The following SOX5 variants were observed in gnomAD, a reference collection of about 807,000 sequenced individuals.
The protein encoded by SOX5 is transcription factor SOX-5.
A neutral mutation model predicts 92.0 loss-of-function variants in SOX5; 9 were observed. The ratio of observed to expected loss-of-function variants is 0.10; its 90% CI spans 0.06 to 0.17. The LOEUF (loss-of-function observed/expected upper bound fraction) is 0.17, where lower values mean the gene tolerates loss of function less well. Ranked by LOEUF, SOX5 falls within the 10% of genes least tolerant of loss-of-function variation. The pLI is 1.00. For missense variants in SOX5, 642 were observed against 944.5 expected (o/e 0.68, Z 4.20); for synonymous variants, 344 against 336.3 (o/e 1.02, Z -0.25).
At chr12:23,805,342 A>C (rs1029773451) in intron 3 of SOX5, among the ~76,000 whole-genome samples, 1 of 152,052 alleles carries the variant, frequency 6.6e-6, no homozygotes, top group Admixed American at 6.6e-5. Context: ...ATATATATGA[A>C]TAATAAATAA....
chr12:23,548,556 G>T (rs185096257), intron 11 of SOX5, among the ~76,000 whole-genome samples: 56 of 152,152 alleles, frequency 3.7e-4, no homozygotes, highest in Middle Eastern at 3.4e-3. Context: ...AAAAGGAAAG[G>T]TGATTGCAGG....
At chr12:23,747,003 T>G (rs1204343242) in intron 4 of SOX5, among the ~76,000 whole-genome samples, 2 of 152,112 alleles carry the variant, frequency 1.3e-5, no homozygotes, top group Non-Finnish European at 2.9e-5. Context: ...CCTCCATGAC[T>G]GTGAGGCCTC....
chr12:23,981,407 T>C (rs1949554705), intron 4 of SOX5, among the ~76,000 whole-genome samples: 1 of 152,232 alleles, frequency 6.6e-6, no homozygotes, highest in African/African-American at 2.4e-5. Flanking sequence ...GTGGTGGTGA[T>C]GTGGTAATTA....
At chr12:23,943,718 A>C (rs1467330897) in intron 1 of SOX5, among the ~76,000 whole-genome samples, 1 of 152,134 alleles carries the variant, frequency 6.6e-6, no homozygotes, top group Non-Finnish European at 1.5e-5. Context: ...GAGGTTTCAA[A>C]TACAATGAGC....
intron 6 of SOX5, among the ~76,000 whole-genome samples, chr12:23,721,810 C>T (rs2092832104): frequency 6.6e-6 from 1 of 152,198 alleles, no homozygotes; most frequent in Non-Finnish European, 1.5e-5. Context: ...GAAGTTTAGC[C>T]TACGTGCACA....
chr12:23,922,035 A>G (rs1345783534), intron 1 of SOX5, among the ~76,000 whole-genome samples: 1 of 152,222 alleles, frequency 6.6e-6, no homozygotes, highest in Non-Finnish European at 1.5e-5. Context: ...CTGCAGGGCT[A>G]AAAGACGGAC....
chr12:23,715,924 T>C (rs1339818640), intron 6 of SOX5, among the ~76,000 whole-genome samples: 1 of 151,168 alleles, frequency 6.6e-6, no homozygotes, highest in South Asian at 2.1e-4. Context: ...TCATTAGTAA[T>C]AAATCTTATT....
intron 6 of SOX5, 44 bp downstream of exon 6, chr12:23,734,640 T>A (rs765071453): frequency 7.2e-7 from 1 of 1,380,750 alleles, no homozygotes; most frequent in Non-Finnish European, 1.0e-6. Flanking sequence ...AAACAGAATA[T>A]ATATTTTTTA....
At chr12:24,417,214 A>T (rs2136881043) in intron 1 of SOX5, among the ~76,000 whole-genome samples, 1 of 152,364 alleles carries the variant, frequency 6.6e-6, no homozygotes, top group South Asian at 2.1e-4. Context: ...TGATGCCTAG[A>T]GACATCCTGT....
intron 2 of SOX5, among the ~76,000 whole-genome samples, chr12:24,294,308 C>A (rs564619365): frequency 1.3e-5 from 2 of 151,606 alleles, no homozygotes; most frequent in Non-Finnish European, 2.9e-5. Context: ...ACACTCAGAA[C>A]AGCATCCCAA....
chr12:24,044,750 G>C (rs1248915279), intron 4 of SOX5, among the ~76,000 whole-genome samples: 1 of 152,116 alleles, frequency 6.6e-6, no homozygotes, highest in Non-Finnish European at 1.5e-5. Context: ...TCCCTGATTG[G>C]CCTTGTCAGC....
At chr12:23,683,620 T>C (rs2087008444) in intron 6 of SOX5, among the ~76,000 whole-genome samples, 1 of 152,110 alleles carries the variant, frequency 6.6e-6, no homozygotes, top group Middle Eastern at 3.4e-3. Flanking sequence ...AGTATGTAAA[T>C]GGTTCACCTG....
intron 1 of SOX5, among the ~76,000 whole-genome samples, chr12:23,917,636 G>A (rs929760891): frequency 1.3e-5 from 2 of 152,126 alleles, no homozygotes; most frequent in African/African-American, 4.8e-5. Context: ...AACAGGTAGT[G>A]TGCTCCACAA....
chr12:23,985,467 G>A (rs1229878673), intron 4 of SOX5, among the ~76,000 whole-genome samples: 1 of 152,054 alleles, frequency 6.6e-6, no homozygotes, highest in Non-Finnish European at 1.5e-5. Flanking sequence ...GAGTGGCAGT[G>A]CACACTAAAA....
chr12:23,533,322 T>C lies in SOX5; in HGVS notation c.*897A>G. The C allele has an allele frequency of 2.9e-6, 1 of 346,716 alleles. No homozygotes were observed. Among genetic ancestry groups the C allele is most frequent in the Admixed American group, 3.0e-5 (1 of 33,724 alleles). 21.5% of individuals were successfully genotyped at this position (346,716 alleles called of 1,614,324 possible). On this transcript the variant is annotated 3_prime_UTR_variant, in exon 15 of 15. Coordinates refer to ENST00000451604, the MANE Select transcript of SOX5 (RefSeq NM_006940.6). ...TCTTATGTCTCTCTCTCTCTCTCTC[T>C]TTTCACCTGAGAACAGCACCTACAG...
chr12:23,595,398 G>A (rs922252190), intron 9 of SOX5, among the ~76,000 whole-genome samples: 5 of 152,036 alleles, frequency 3.3e-5, no homozygotes, highest in East Asian at 3.9e-4. Flanking sequence ...CGAGGCCGGC[G>A]GATCATGAGG....
chr12:24,358,611 C>A (rs536078010), intron 2 of SOX5, among the ~76,000 whole-genome samples: 76 of 140,418 alleles, frequency 5.4e-4, no homozygotes, highest in Admixed American at 9.1e-4. Flanking sequence ...GACTCCATCT[C>A]AAAAAAAAAA....
intron 4 of SOX5, among the ~76,000 whole-genome samples, chr12:24,129,054 A>G (rs2138456319): frequency 6.6e-6 from 1 of 152,330 alleles, no homozygotes; most frequent in South Asian, 2.1e-4. Flanking sequence ...ACTACTATTA[A>G]CCTACACAAA....
At chr12:24,498,786 C>CA (rs1050717284) in intron 1 of SOX5, among the ~76,000 whole-genome samples, 15 of 152,292 alleles carry the variant, frequency 9.8e-5, no homozygotes, top group African/African-American at 3.6e-4. Flanking sequence ...TGCTGGTTCA[C>CA]AAATCCATAC....
Sources: gnomAD v4.1 joint callset for allele counts (sites outside exome capture counted in the v4.1 genomes callset) on GRCh38, gnomAD v4.1.1 for gene constraint, MANE v1.5 for transcripts, NCBI Gene and HGNC (gene_info 2026-07-23, HGNC 2026-07-21) for gene names.